TENM4: variants seen among roughly 807,000 people sequenced by gnomAD.
TENM4 encodes the protein teneurin-4.
TENM4 carries 82 observed loss-of-function variants against 243.3 expected under a neutral mutation model. The ratio of observed to expected loss-of-function variants is 0.34; its 90% confidence interval spans 0.28 to 0.40. The LOEUF (loss-of-function observed/expected upper bound fraction) is 0.40, where lower values mean the gene tolerates loss of function less well. Among genes scored for constraint, TENM4 ranks in the 10% least tolerant of loss-of-function variants. TENM4 has a pLI of 1.00. For synonymous variants in TENM4, 1,412 were observed against 1,456.3 expected (o/e 0.97, Z 0.69); for missense variants, 3,138 against 3,673.3 (o/e 0.85, Z 3.77).
chr11:79,317,220 T>C lies in TENM4; in HGVS notation c.-320-19677A>G, dbSNP rs1856816554. ...GTTAACACTCACACACGGTTTCAGC[T>C]TCAAGGAAGACACAACTCCATGTAT... On this transcript the variant is annotated intron_variant, in intron 1 of 33. Transcript: ENST00000278550. 2.0e-5 allele frequency among the ~76,000 whole-genome samples: 3 copies of C among 152,236 alleles called. No homozygotes were observed. The South Asian group carries it at 6.2e-4, about 32-fold the overall frequency.
chr11:78,825,217 G>C (rs1857825445), intron 12 of TENM4, among the ~76,000 whole-genome samples: 1 of 152,210 alleles, frequency 6.6e-6, no homozygotes, highest in Non-Finnish European at 1.5e-5. Context: ...TGACTTCTGA[G>C]GGTGTGATTT....
chr11:79,364,537 A>G (rs1225740804), intron 1 of TENM4, among the ~76,000 whole-genome samples: 2 of 152,254 alleles, frequency 1.3e-5, no homozygotes, highest in African/African-American at 2.4e-5. Flanking sequence ...GAATGAGGCC[A>G]ATTTATTAGT....
chr11:79,000,474 A>C (rs1389931064), intron 6 of TENM4, among the ~76,000 whole-genome samples: 1 of 152,306 alleles, frequency 6.6e-6, no homozygotes, highest in East Asian at 1.9e-4. Context: ...ATGTGTGACA[A>C]AAAATAGCAA....
At chr11:78,947,774 G>A (rs974081279) in intron 6 of TENM4, among the ~76,000 whole-genome samples, 1 of 151,970 alleles carries the variant, frequency 6.6e-6, no homozygotes, top group Non-Finnish European at 1.5e-5. Context: ...CTGGGGTGGA[G>A]CTCCCTACAC....
chr11:78,809,567 A>G (rs1857454522), intron 14 of TENM4, among the ~76,000 whole-genome samples: 1 of 152,056 alleles, frequency 6.6e-6, no homozygotes, highest in African/African-American at 2.4e-5. Context: ...TTTCCATCAC[A>G]CTGGGACAGC....
intron 26 of TENM4, among the ~76,000 whole-genome samples, chr11:78,712,035 A>G (rs1859409883): frequency 6.6e-6 from 1 of 152,252 alleles, no homozygotes; most frequent in Admixed American, 6.5e-5. Context: ...ATATGAACAT[A>G]TGAAAACACG....
intron 28 of TENM4, among the ~76,000 whole-genome samples, 181 bp from the exon 29 acceptor site, chr11:78,688,407 C>T (rs998704594): frequency 4.6e-5 from 7 of 152,116 alleles, no homozygotes; most frequent in Non-Finnish European, 1.0e-4. Flanking sequence ...GATGTGACTC[C>T]ACCTGCTGAT....
intron 25 of TENM4, among the ~76,000 whole-genome samples, chr11:78,719,415 TTAAAA>T (rs1202449385): frequency 6.6e-6 from 1 of 152,144 alleles, no homozygotes; most frequent in African/African-American, 2.4e-5. Context: ...ATATATTATC[TTAAAA>T]TAACACATAC....
chr11:78,746,097 C>T (rs963432692), intron 19 of TENM4, among the ~76,000 whole-genome samples: 10 of 152,148 alleles, frequency 6.6e-5, no homozygotes, highest in African/African-American at 2.2e-4. Context: ...GGGTTACAGG[C>T]TCCATAGTCT....
At chr11:78,829,560 T>A (rs181838497) in intron 12 of TENM4, among the ~76,000 whole-genome samples, 1 of 152,122 alleles carries the variant, frequency 6.6e-6, no homozygotes, top group African/African-American at 2.4e-5. Flanking sequence ...ACAGGCCAAG[T>A]CGGAGGCTGC....
intron 6 of TENM4, among the ~76,000 whole-genome samples, chr11:78,918,751 C>T (rs1856379307): frequency 6.6e-6 from 1 of 152,136 alleles, no homozygotes; most frequent in Non-Finnish European, 1.5e-5. Flanking sequence ...CCACCCATGC[C>T]TGAATGTCAT....
At chr11:78,980,413 G>T (rs1333888198) in intron 6 of TENM4, among the ~76,000 whole-genome samples, 1 of 152,206 alleles carries the variant, frequency 6.6e-6, no homozygotes, top group Non-Finnish European at 1.5e-5. Flanking sequence ...GCCCCAGGTG[G>T]ATGATTCCAC....
intron 4 of TENM4, among the ~76,000 whole-genome samples, chr11:79,079,983 A>G (rs1199097809): frequency 1.3e-4 from 3 of 22,354 alleles, no homozygotes; most frequent in African/African-American, 5.3e-4. Flanking sequence ...GGACTTTACT[A>G]CCTCAGGGGG....
At chr11:78,876,543 A>G (rs535993888) in intron 9 of TENM4, among the ~76,000 whole-genome samples, 1 of 152,164 alleles carries the variant, frequency 6.6e-6, no homozygotes, top group Admixed American at 6.5e-5. Flanking sequence ...TACAAGCTCA[A>G]TGCCTTGTAA....
intron 1 of TENM4, among the ~76,000 whole-genome samples, chr11:79,330,600 C>T (rs1857046324): frequency 6.6e-6 from 1 of 152,208 alleles, no homozygotes; most frequent in South Asian, 2.1e-4. Context: ...CATTAACACC[C>T]TCCAAGGGTA....
intron 4 of TENM4, among the ~76,000 whole-genome samples, chr11:79,136,011 T>C (rs1353884303): frequency 1.3e-5 from 2 of 151,712 alleles, no homozygotes; most frequent in East Asian, 3.9e-4. Flanking sequence ...ATAACAATGA[T>C]ACAATGGATT....
At chr11:79,043,087 A>G (rs1419472008) in intron 6 of TENM4, among the ~76,000 whole-genome samples, 1 of 152,170 alleles carries the variant, frequency 6.6e-6, no homozygotes, top group Non-Finnish European at 1.5e-5. Context: ...ACTCTGGGAT[A>G]TTCCAGTAAA....
intron 3 of TENM4, among the ~76,000 whole-genome samples, chr11:79,151,654 T>A (rs1862514632): frequency 1.3e-5 from 2 of 152,058 alleles, no homozygotes; most frequent in African/African-American, 2.4e-5. Context: ...TTTAAAATCA[T>A]ATTTACATAT....
At chr11:79,185,846 T>C (rs542518135) in intron 3 of TENM4, among the ~76,000 whole-genome samples, 1 of 152,032 alleles carries the variant, frequency 6.6e-6, no homozygotes, top group African/African-American at 2.4e-5. Context: ...TTTCCTAAAA[T>C]CTCCAGAAAC....
Sources: allele counts gnomAD v4.1 joint callset (sites outside exome capture counted in the v4.1 genomes callset), GRCh38; gene constraint gnomAD v4.1.1; transcripts MANE v1.5; gene names NCBI Gene and HGNC (gene_info 2026-07-23, HGNC 2026-07-21).